HPDL: variants seen among roughly 807,000 people sequenced by gnomAD.
HPDL encodes the protein 4-hydroxyphenylpyruvate dioxygenase-like protein.
A neutral mutation model predicts 9.8 loss-of-function variants in HPDL; 7 were observed. The ratio of observed to expected loss-of-function variants is 0.71; its 90% CI spans 0.41 to 1.34. The LOEUF (loss-of-function observed/expected upper bound fraction) is 1.34. HPDL is among the 40% of genes most tolerant of loss of function. The pLI is 0.01. For synonymous variants in HPDL, 250 were observed against 228.2 expected, an observed-to-expected ratio of 1.10 and a Z score of -0.86; for missense variants, 530 against 495.1, an observed-to-expected ratio of 1.07 and a Z score of -0.67.
At position 45,327,527 on chromosome 1, in the gene HPDL, A is replaced by T; in HGVS notation, c.379A>T (p.Ile127Phe). The change falls in exon 1 of 1, where the codon ATC (isoleucine) becomes TTC (phenylalanine). Residue 127 changes from isoleucine to phenylalanine, a missense_variant. Ile to Phe is a conservative substitution (Grantham distance 21). Transcript: ENST00000334815. The surrounding 1 kb of genome is among the most constrained non-coding windows in gnomAD (Gnocchi z 6.3). Reference protein sequence around the residue: ...TYAVVSSPAGILSLTLLERAG... With the variant: ...TYAVVSSPAGFLSLTLLERAG... ...CGCCGTGGTCAGCTCGCCTGCCGGC[A>T]TCCTCAGCCTGACCTTGCTGGAGCG... is the stretch of plus-strand genomic sequence containing the variant. 1 of 1,605,512 alleles carries T rather than the reference A, an allele frequency of 6.2e-7. No individual in the cohort carries two copies. Among genetic ancestry groups the T allele is most frequent in the Non-Finnish European group, 8.5e-7 (1 of 1,179,398 alleles).
chr1:45,327,908 C>A lies in HPDL; in HGVS notation c.760C>A (p.Pro254Thr). 6.4e-7 allele frequency: 1 copy of A among 1,558,814 alleles called. No homozygotes were observed. The highest frequency in any genetic ancestry group is 8.7e-7 in the Non-Finnish European group (1 of 1,151,642). Residue 254 changes from proline (P) to threonine (T), a missense_variant, in exon 1 of 1, where the codon CCA becomes ACA. Coordinates refer to ENST00000334815, the MANE Select transcript of HPDL (RefSeq NM_032756.4). This position sits in a 1 kb window ranked among gnomAD's most constrained non-coding sequence, Gnocchi z 6.3. ...GCAGTTCCTGGCCCGGCACAAGGGG[C>A]CAGGCCTGCAGCACGTGGGGCTGTA... is the stretch of plus-strand genomic sequence containing the variant. ...VEQFLARHKG[P>T]GLQHVGLYTP...
chr1:45,327,762 C>G lies in HPDL; in HGVS notation c.614C>G (p.Ala205Gly). 1 of 1,612,624 alleles carries G rather than the reference C, an allele frequency of 6.2e-7. No homozygotes were observed. Among genetic ancestry groups the G allele is most frequent in the Non-Finnish European group, 8.5e-7 (1 of 1,179,208 alleles). The change falls in exon 1 of 1, where the codon GCA becomes GGA. Residue 205 changes from alanine (A) to glycine (G), a missense_variant. Coordinates refer to ENST00000334815, the MANE Select transcript of HPDL (RefSeq NM_032756.4). The surrounding 1 kb of genome is among the most constrained non-coding windows in gnomAD (Gnocchi z 6.3). ...EDPELGLEMT[A>G]GFGLGGLRLT... ...CCCGAGCTGGGCCTCGAAATGACAGCAGGGTTTGGGCTTGGGGGACTGAGG... is the reference window on the plus strand; with the variant it reads ...CCCGAGCTGGGCCTCGAAATGACAGGAGGGTTTGGGCTTGGGGGACTGAGG...
chr1:45,327,922 C>T lies in HPDL; in HGVS notation c.774C>T (p.His258=), dbSNP rs765479129. ...LARHKGPGLQ[H]VGLYTPNIVE... ...GGCACAAGGGGCCAGGCCTGCAGCA[C>T]GTGGGGCTGTATACGCCTAACATTG... The change falls in exon 1 of 1, where the codon CAC becomes CAT. Residue 258 remains histidine (H), a synonymous_variant. Coordinates refer to ENST00000334815, the MANE Select transcript of HPDL (RefSeq NM_032756.4). The surrounding 1 kb of genome is among the most constrained non-coding windows in gnomAD (Gnocchi z 6.3). 2.5e-6 allele frequency: 4 copies of T among 1,570,120 alleles called. No individual in the cohort carries two copies. Among genetic ancestry groups the T allele is most frequent in the Non-Finnish European group, 3.5e-6 (4 of 1,156,832 alleles).
In HPDL at chr1:45,327,524, G is replaced by T; in HGVS notation, c.376G>T (p.Gly126Cys). 1 of 1,604,624 alleles carries T rather than the reference G, an allele frequency of 6.2e-7. No homozygotes were observed. Among genetic ancestry groups the T allele is most frequent in the Non-Finnish European group, 8.5e-7 (1 of 1,179,242 alleles). ...TTACGCCGTGGTCAGCTCGCCTGCC[G>T]GCATCCTCAGCCTGACCTTGCTGGA... ...ATYAVVSSPA[G>C]ILSLTLLERA... Residue 126 changes from glycine to cysteine, a missense_variant, in exon 1 of 1, where the codon GGC becomes TGC. Gly to Cys is a radical substitution (Grantham distance 159, BLOSUM62 -3). Transcript: ENST00000334815. This position sits in a 1 kb window ranked among gnomAD's most constrained non-coding sequence, Gnocchi z 6.3.
At position 45,327,466 on chromosome 1, in the gene HPDL, C is replaced by T. The variant is rs192069209; in HGVS notation, c.318C>T (p.Pro106=). The change falls in exon 1 of 1, where the codon CCC becomes CCT. Residue 106 remains proline (P), a synonymous_variant. Transcript: ENST00000334815. This position sits in a 1 kb window ranked among gnomAD's most constrained non-coding sequence, Gnocchi z 6.3. ...TGGGCTGCAGCGTGCCTGTCCCTCC[C>T]GTTCGCGTGCGGGACGCGCAGGGTG... ...AALGCSVPVP[P]VRVRDAQGAA... is the part of the protein sequence containing the mutation. The T allele has an allele frequency of 5.7e-6, 9 of 1,590,452 alleles. No homozygotes were observed. The highest frequency in any genetic ancestry group is 3.4e-5 in the Admixed American group (2 of 59,014).
chr1:45,327,341 C>T lies in HPDL; in HGVS notation c.193C>T (p.Pro65Ser). The change falls in exon 1 of 1, where the codon CCG becomes TCG. Residue 65 changes from proline to serine, a missense_variant. Pro to Ser is a moderately conservative substitution (Grantham distance 74). Transcript: ENST00000334815. This position sits in a 1 kb window ranked among gnomAD's most constrained non-coding sequence, Gnocchi z 6.3. ...GAACGAGGGCGCAGGGTCTGGAGAG[C>T]CGCTGTACGGCCTGGATCCGCGTCA... ...LVNEGAGSGE[P>S]LYGLDPRHAV... The T allele has an allele frequency of 6.3e-7, 1 of 1,580,086 alleles. No individual in the cohort carries two copies. The highest frequency in any genetic ancestry group is 8.6e-7 in the Non-Finnish European group (1 of 1,164,942).
At position 45,327,861 on chromosome 1, in the gene HPDL, C is replaced by A. The variant is rs1193953618; in HGVS notation, c.713C>A (p.Thr238Lys). ...LVLAESLPGA[T>K]TRQDQVEQFL... The stretch of plus-strand genomic sequence containing the variant: ...CTGGCTGAGTCCCTTCCGGGGGCGA[C>A]GACACGACAGGACCAGGTGGAGCAG... The change falls in exon 1 of 1, where the codon ACG becomes AAG. Residue 238 changes from threonine to lysine, a missense_variant. Physicochemically the swap from Thr to Lys is moderately conservative, Grantham distance 78 (BLOSUM62 -1). Transcript: ENST00000334815. This position sits in a 1 kb window ranked among gnomAD's most constrained non-coding sequence, Gnocchi z 6.3. 1.9e-6 allele frequency: 3 copies of A among 1,547,442 alleles called. No individual in the cohort carries two copies. In the African/African-American group the frequency reaches 4.1e-5, roughly 21 times the overall value.
chr1:45,328,320 A>G lies in HPDL; in HGVS notation c.*56A>G. On this transcript the variant is annotated 3_prime_UTR_variant, in exon 1 of 1. Coordinates refer to ENST00000334815, the MANE Select transcript of HPDL (RefSeq NM_032756.4). ...CCTGCAGCTCTGGGGAGACCAGCAC[A>G]GAACTGAGGAACATCTGCAGGAGGC... The G allele has an allele frequency of 1.3e-6, 2 of 1,544,296 alleles. No homozygotes were observed. Among genetic ancestry groups the G allele is most frequent in the Middle Eastern group, 4.1e-4 (2 of 4,876 alleles).
At position 45,328,568 on chromosome 1, in the gene HPDL, G is replaced by A. The variant is rs1013110127; in HGVS notation, c.*304G>A. ...ACCAATACTTTCGAGTCCTCCCTGT[G>A]TCCCGCTGTGATTCTATTTCCTCCC... On this transcript the variant is annotated 3_prime_UTR_variant, in exon 1 of 1. Transcript: ENST00000334815. 13 of 309,524 alleles carry A rather than the reference G, an allele frequency of 4.2e-5. No individual in the cohort carries two copies. The highest frequency in any genetic ancestry group is 9.1e-5 in the Admixed American group (2 of 21,982). The allele number at this position is 309,524 out of a possible 1,614,324, so 19.2% of individuals were successfully genotyped here. A position where few individuals can be genotyped will look rare whatever the true frequency, so the allele number is the denominator to read the frequency against.
At position 45,328,054 on chromosome 1, in the gene HPDL, C is replaced by T. The variant is rs751529964; in HGVS notation, c.906C>T (p.His302=). 6.2e-7 allele frequency: 1 copy of T among 1,614,172 alleles called. No individual in the cohort carries two copies. Among genetic ancestry groups the T allele is most frequent in the South Asian group, 1.1e-5 (1 of 91,088 alleles). ...GKERQIRAAG[H]EPHLLARQGI... ...AGAGGCAGATCCGAGCTGCAGGGCA[C>T]GAGCCTCATCTGCTTGCTCGACAGG... The change falls in exon 1 of 1, where the codon CAC becomes CAT. Residue 302 remains histidine, a synonymous_variant. Coordinates refer to ENST00000334815, the MANE Select transcript of HPDL (RefSeq NM_032756.4).
In HPDL at chr1:45,327,113, C is replaced by A; in HGVS notation, c.-36C>A. 6.6e-7 allele frequency: 1 copy of A among 1,515,610 alleles called. No homozygotes were observed. Among genetic ancestry groups the A allele is most frequent in the Non-Finnish European group, 8.8e-7 (1 of 1,134,692 alleles). 93.9% of individuals were successfully genotyped at this position (1,515,610 alleles called of 1,614,324 possible). ...AGTCCCCAACCACAAGTAAGCGGCCCCAGAAGGACAAGTCTAGGTCGCCGT... is the reference window on the plus strand; with the variant it reads ...AGTCCCCAACCACAAGTAAGCGGCCACAGAAGGACAAGTCTAGGTCGCCGT... On this transcript the variant is annotated 5_prime_UTR_variant, in exon 1 of 1. Transcript: ENST00000334815. The surrounding 1 kb of genome is among the most constrained non-coding windows in gnomAD (Gnocchi z 6.3).
At position 45,327,718 on chromosome 1, in the gene HPDL, G is replaced by T; in HGVS notation, c.570G>T (p.Pro190=). ...ACTGCCTGGGCTTTTGCCACTTGCCGCTGAGCCCAGGTGAGGATCCCGAGC... is the reference window on the plus strand; with the variant it reads ...ACTGCCTGGGCTTTTGCCACTTGCCTCTGAGCCCAGGTGAGGATCCCGAGC... The part of the protein sequence containing the change: ...FHDCLGFCHL[P]LSPGEDPELG... Residue 190 remains proline, a synonymous_variant, in exon 1 of 1, where the codon CCG becomes CCT. Coordinates refer to ENST00000334815, the MANE Select transcript of HPDL (RefSeq NM_032756.4). The surrounding 1 kb of genome is among the most constrained non-coding windows in gnomAD (Gnocchi z 6.3). The T allele has an allele frequency of 6.2e-7, 1 of 1,611,616 alleles. No individual in the cohort carries two copies. Among genetic ancestry groups the T allele is most frequent in the South Asian group, 1.1e-5 (1 of 90,832 alleles).
In HPDL at chr1:45,327,082, C is replaced by T. The variant is rs1644239598; in HGVS notation, c.-67C>T. On this transcript the variant is annotated 5_prime_UTR_variant, in exon 1 of 1. Transcript: ENST00000334815. The surrounding 1 kb of genome is among the most constrained non-coding windows in gnomAD (Gnocchi z 6.3). ...CGGACGATCAGCCCAGGACTGAGAG[C>T]CCCGAAGTCCCCAACCACAAGTAAG... The T allele has an allele frequency of 1.4e-6, 2 of 1,473,646 alleles. No homozygotes were observed. Among genetic ancestry groups the T allele is most frequent in the Non-Finnish European group, 1.8e-6 (2 of 1,106,888 alleles). The allele number at this position is 1,473,646 out of a possible 1,614,324, so 91.3% of individuals were successfully genotyped here. A position where few individuals can be genotyped will look rare whatever the true frequency, so the allele number is the denominator to read the frequency against.
In HPDL at chr1:45,327,035, G is replaced by C; in HGVS notation, c.-114G>C. The C allele has an allele frequency of 2.8e-6, 3 of 1,078,594 alleles. No individual in the cohort carries two copies. 66.8% of individuals were successfully genotyped at this position (1,078,594 alleles called of 1,614,324 possible). On this transcript the variant is annotated 5_prime_UTR_variant, in exon 1 of 1. Transcript: ENST00000334815. The surrounding 1 kb of genome is among the most constrained non-coding windows in gnomAD (Gnocchi z 6.3). ...AGAAAGCGAGGAACGCGCTCTGCGG[G>C]GTGAGCCGGACTCCCCAACTCCGGA...
rs1644238088 is a variant in HPDL, at chr1:45,326,900, CA to C, written c.-248del. 2.4e-6 allele frequency: 1 copy of C among 417,086 alleles called. No individual in the cohort carries two copies. Among genetic ancestry groups the C allele is most frequent in the African/African-American group, 2.1e-5 (1 of 48,604 alleles). 25.8% of individuals were successfully genotyped at this position (417,086 alleles called of 1,614,324 possible). On this transcript the variant is annotated 5_prime_UTR_variant, in exon 1 of 1. Transcript: ENST00000334815. ...ACAGGCACCGCGTGGTTCTCACAAC[CA>C]GCAGCTCGGCTCACTGAGACCCGGT...
At position 45,327,719 on chromosome 1, in the gene HPDL, C is replaced by G. The variant is rs372929857; in HGVS notation, c.571C>G (p.Leu191Val). ...HDCLGFCHLP[L>V]SPGEDPELGL... ...CTGCCTGGGCTTTTGCCACTTGCCGCTGAGCCCAGGTGAGGATCCCGAGCT... is the reference window on the plus strand; with the variant it reads ...CTGCCTGGGCTTTTGCCACTTGCCGGTGAGCCCAGGTGAGGATCCCGAGCT... Residue 191 changes from leucine to valine, a missense_variant, in exon 1 of 1, where the codon CTG becomes GTG. Coordinates refer to ENST00000334815, the MANE Select transcript of HPDL (RefSeq NM_032756.4). This position sits in a 1 kb window ranked among gnomAD's most constrained non-coding sequence, Gnocchi z 6.3. 6.2e-7 allele frequency: 1 copy of G among 1,611,808 alleles called. No individual in the cohort carries two copies. The highest frequency in any genetic ancestry group is 2.2e-5 in the East Asian group (1 of 44,826).
chr1:45,327,581 G>T lies in HPDL; in HGVS notation c.433G>T (p.Gly145Cys). 1 of 1,611,314 alleles carries T rather than the reference G, an allele frequency of 6.2e-7. No homozygotes were observed. ...RAGYRGPFLP[G>C]FRPVSSAPGP... ...TGGCTACCGCGGACCCTTCCTACCC[G>T]GCTTCAGGCCCGTGTCCTCTGCGCC... Residue 145 changes from glycine to cysteine, a missense_variant, in exon 1 of 1, where the codon GGC (glycine) becomes TGC (cysteine). Gly to Cys is a radical substitution (Grantham distance 159). Coordinates refer to ENST00000334815, the MANE Select transcript of HPDL (RefSeq NM_032756.4). The surrounding 1 kb of genome is among the most constrained non-coding windows in gnomAD (Gnocchi z 6.3).
In HPDL at chr1:45,327,539, A is replaced by G. The variant is rs779236174; in HGVS notation, c.391A>G (p.Thr131Ala). The change falls in exon 1 of 1, where the codon ACC (threonine) becomes GCC (alanine). Residue 131 changes from threonine to alanine, a missense_variant. By Grantham distance (58) the Thr-to-Ala change is moderately conservative. Transcript: ENST00000334815. This position sits in a 1 kb window ranked among gnomAD's most constrained non-coding sequence, Gnocchi z 6.3. The part of the protein sequence containing the change: ...VSSPAGILSL[T>A]LLERAGYRGP... ...CTCGCCTGCCGGCATCCTCAGCCTGACCTTGCTGGAGCGCGCTGGCTACCG... is the reference window on the plus strand; with the variant it reads ...CTCGCCTGCCGGCATCCTCAGCCTGGCCTTGCTGGAGCGCGCTGGCTACCG... 1 of 1,606,988 alleles carries G rather than the reference A, an allele frequency of 6.2e-7. No homozygotes were observed. Among genetic ancestry groups the G allele is most frequent in the South Asian group, 1.1e-5 (1 of 90,902 alleles).
chr1:45,327,119 G>T lies in HPDL; in HGVS notation c.-30G>T. 6.6e-7 allele frequency: 1 copy of T among 1,519,452 alleles called. No individual in the cohort carries two copies. 94.1% of individuals were successfully genotyped at this position (1,519,452 alleles called of 1,614,324 possible). A position where few individuals can be genotyped will look rare whatever the true frequency, so the allele number is the denominator to read the frequency against. The stretch of plus-strand genomic sequence containing the variant: ...CAACCACAAGTAAGCGGCCCCAGAA[G>T]GACAAGTCTAGGTCGCCGTCCAGAG... On this transcript the variant is annotated 5_prime_UTR_variant, in exon 1 of 1. In the 5' UTR this introduces an upstream ATG that the reference lacks. Transcript: ENST00000334815. This position sits in a 1 kb window ranked among gnomAD's most constrained non-coding sequence, Gnocchi z 6.3.
Sources: gnomAD v4.1 joint callset for allele counts on GRCh38, gnomAD v4.1.1 for gene constraint, Gnocchi (gnomAD v3.1) non-coding constraint, MANE v1.5 for transcripts, NCBI Gene and HGNC (gene_info 2026-07-23, HGNC 2026-07-21) for gene names.